FRYL: variants seen among roughly 807,000 people sequenced by gnomAD.
FRYL encodes FRY like transcription coactivator.
In FRYL, 150 loss-of-function variants were observed where a neutral mutation model predicts 351.2. That is an observed-to-expected ratio of 0.43 (90% confidence interval 0.37 to 0.49). The LOEUF (loss-of-function observed/expected upper bound fraction) is 0.49, where lower values mean the gene tolerates loss of function less well. Among genes scored for constraint, FRYL ranks in the 20% least tolerant of loss-of-function variants. The probability of loss-of-function intolerance (pLI) is 0.00; values close to 1 mark genes in which losing one functional copy is unlikely to be tolerated. For missense variants in FRYL, 3,036 were observed against 3,619.3 expected, an observed-to-expected ratio of 0.84 and a Z score of 4.13; for synonymous variants, 1,153 against 1,257.1, an observed-to-expected ratio of 0.92 and a Z score of 1.75.
intron 13 of FRYL, among the ~76,000 whole-genome samples, chr4:48,601,759 G>C (rs945016365): frequency 6.6e-6 from 1 of 152,030 alleles, no homozygotes; most frequent in Non-Finnish European, 1.5e-5. Context: ...CTAGATTTAA[G>C]ATAATATAAA....
intron 1 of FRYL, among the ~76,000 whole-genome samples, chr4:48,711,240 G>C (rs565035852): frequency 1.2e-4 from 19 of 152,350 alleles, no homozygotes; most frequent in Admixed American, 1.2e-3. Flanking sequence ...CGCACCGTGC[G>C]CGAGCCGAAG....
At chr4:48,568,991 G>A (rs1395031068) in intron 27 of FRYL, among the ~76,000 whole-genome samples, 1 of 152,116 alleles carries the variant, frequency 6.6e-6, no homozygotes, top group Admixed American at 6.5e-5. Context: ...TAAAAATCCA[G>A]AATAGCAATA....
At chr4:48,624,802 T>C (rs1360694332) in intron 4 of FRYL, among the ~76,000 whole-genome samples, 8 of 152,170 alleles carry the variant, frequency 5.3e-5, no homozygotes, top group Non-Finnish European at 1.2e-4. Context: ...GCAGATTGCC[T>C]TCCCCTATGT....
chr4:48,645,145 T>TATATATATAC (rs1553961651), intron 3 of FRYL, among the ~76,000 whole-genome samples: 5 of 136,854 alleles, frequency 3.7e-5, no homozygotes, highest in African/African-American at 1.3e-4. Context: ...TATATATATA[T>TATATATATAC]ATATATATAT....
chr4:48,777,189 CTGAATAATTG>C (rs1776112795), intron 1 of FRYL, among the ~76,000 whole-genome samples: 1 of 152,142 alleles, frequency 6.6e-6, no homozygotes, highest in Non-Finnish European at 1.5e-5. Context: ...AAACCTAGTC[CTGAATAATTG>C]TGAATAATTG....
intron 16 of FRYL, among the ~76,000 whole-genome samples, chr4:48,591,340 C>T (rs1158434596): frequency 6.6e-6 from 1 of 152,216 alleles, no homozygotes; most frequent in African/African-American, 2.4e-5. Context: ...GCACCAATTA[C>T]ATACACGTTT....
At chr4:48,646,872 T>TA (rs1756588516) in intron 3 of FRYL, among the ~76,000 whole-genome samples, 1 of 151,928 alleles carries the variant, frequency 6.6e-6, no homozygotes, top group African/African-American at 2.4e-5. Flanking sequence ...TGATAACAGG[T>TA]AAAAAGCACC....
rs759904999 is a variant in FRYL at position 48,549,500 on chromosome 4, G to C, written c.4757C>G (p.Thr1586Arg). The C allele has an allele frequency of 7.4e-6, 12 of 1,612,696 alleles. No individual in the cohort carries two copies. The African/African-American group carries it at 8.0e-5, about 11-fold the overall frequency. The stretch of plus-strand genomic sequence containing the variant: ...GTGAAGAGGTAATCCAGGTGATGAC[G>C]TTTCAGGCACGTAATCCACCAGTGG... ...WSPLVDYVPETSSPGLPLHRC... is the reference protein window; with the variant it reads ...WSPLVDYVPERSSPGLPLHRC... The change falls in exon 39 of 64, where the codon ACG becomes AGG. Residue 1586 changes from threonine to arginine, a missense_variant. Thr to Arg is a moderately conservative substitution (Grantham distance 71, BLOSUM62 -1). Coordinates refer to ENST00000358350, the MANE Select transcript of FRYL (RefSeq NM_015030.2). This position sits in a 1 kb window ranked among gnomAD's most constrained non-coding sequence, Gnocchi z 4.2.
At chr4:48,511,445 A>G (rs1344619001) in intron 57 of FRYL, among the ~76,000 whole-genome samples, 2 of 152,228 alleles carry the variant, frequency 1.3e-5, no homozygotes, top group African/African-American at 2.4e-5. Context: ...ATCTTCTCAG[A>G]GTCCAGGAAT....
At chr4:48,545,872 A>G (rs1054708451) in intron 42 of FRYL, among the ~76,000 whole-genome samples, 195 bp downstream of exon 42, 2 of 152,242 alleles carry the variant, frequency 1.3e-5, no homozygotes, top group African/African-American at 4.8e-5. Flanking sequence ...ATATGATTAA[A>G]GTCCTGAGGT....
rs778465725 is a variant in FRYL, at chr4:48,582,550, T to C, written c.1933A>G (p.Ile645Val). 3 of 1,614,146 alleles carry C rather than the reference T, an allele frequency of 1.9e-6. No individual in the cohort carries two copies. Among genetic ancestry groups the C allele is most frequent in the African/African-American group, 2.7e-5 (2 of 75,074 alleles). Residue 645 changes from isoleucine (I) to valine (V), a missense_variant, in exon 20 of 64, where the codon ATA becomes GTA. By Grantham distance (29) the Ile-to-Val change is conservative. Transcript: ENST00000358350. ...TGGGCTGCTTGTTTCCACTGATTTATTAATTGTACCAACATCTTTACGGCA... is the reference window on the plus strand; with the variant it reads ...TGGGCTGCTTGTTTCCACTGATTTACTAATTGTACCAACATCTTTACGGCA... Reference protein sequence around the residue: ...DNAVKMLVQLINQWKQAAQMH... With the variant: ...DNAVKMLVQLVNQWKQAAQMH...
At chr4:48,610,682 A>G (rs1396657600) in intron 7 of FRYL, among the ~76,000 whole-genome samples, 3 of 146,114 alleles carry the variant, frequency 2.1e-5, no homozygotes, top group Non-Finnish European at 4.5e-5. Flanking sequence ...ATTATATTAT[A>G]TATTATATAC....
At chr4:48,767,573 A>C (rs1163010370) in intron 1 of FRYL, among the ~76,000 whole-genome samples, 2 of 152,246 alleles carry the variant, frequency 1.3e-5, no homozygotes, top group Non-Finnish European at 2.9e-5. Flanking sequence ...AAAGACGAAT[A>C]CTGCATGATC....
chr4:48,593,718 A>G (rs1423043218), intron 16 of FRYL, among the ~76,000 whole-genome samples: 1 of 152,132 alleles, frequency 6.6e-6, no homozygotes, highest in East Asian at 1.9e-4. Flanking sequence ...AGCCTGGGCA[A>G]CAAGAGCAAA....
chr4:48,571,071 G>A (rs995950605), intron 26 of FRYL, among the ~76,000 whole-genome samples, 153 bp from the exon 27 acceptor site: 1 of 152,192 alleles, frequency 6.6e-6, no homozygotes, highest in Non-Finnish European at 1.5e-5. Context: ...CTGCCTCAAA[G>A]AGGTATGAGT....
In FRYL at chr4:48,561,571, G is replaced by A. The variant is rs748778722; in HGVS notation, c.3762C>T (p.Leu1254=). Reference sequence around the variant, plus strand: ...GATGTGGTAGAGGAGACAGCTGGCTGAGTACTCCATCTGTTCTCTGAACCT... The same window carrying A: ...GATGTGGTAGAGGAGACAGCTGGCTAAGTACTCCATCTGTTCTCTGAACCT... The part of the protein sequence containing the change: ...KLEVQRTDGV[L]SQLSPLPHLY... The change falls in exon 33 of 64, where the codon CTC becomes CTT. Residue 1254 remains leucine (L), a synonymous_variant. Transcript: ENST00000358350. The A allele has an allele frequency of 5.0e-6, 8 of 1,612,318 alleles. No homozygotes were observed. The East Asian group carries it at 1.1e-4, about 22-fold the overall frequency.
At chr4:48,721,314 G>A (rs1769444809) in intron 1 of FRYL, among the ~76,000 whole-genome samples, 1 of 151,728 alleles carries the variant, frequency 6.6e-6, no homozygotes. Flanking sequence ...AACAAGTAAT[G>A]TTATAAGGAA....
intron 1 of FRYL, among the ~76,000 whole-genome samples, chr4:48,757,137 A>G (rs748458114): frequency 6.6e-6 from 1 of 152,186 alleles, no homozygotes. Flanking sequence ...ATGAAAGGTG[A>G]AGAAAAATGT....
chr4:48,765,242 G>T (rs1436150932), intron 1 of FRYL, among the ~76,000 whole-genome samples: 5 of 152,196 alleles, frequency 3.3e-5, no homozygotes, highest in African/African-American at 4.8e-5. Context: ...CACACTTCCT[G>T]ATTTTGAACC....
Sources: gnomAD v4.1 joint callset for allele counts (sites outside exome capture counted in the v4.1 genomes callset) on GRCh38, gnomAD v4.1.1 for gene constraint, Gnocchi (gnomAD v3.1) non-coding constraint, MANE v1.5 for transcripts, NCBI Gene and HGNC (gene_info 2026-07-23, HGNC 2026-07-21) for gene names.